Variants in LRRC74A observed in about 807,000 individuals in gnomAD.
LRRC74A encodes leucine-rich repeat-containing protein 74A.
Under a neutral mutation model 57.9 loss-of-function variants are expected in LRRC74A, and 44 were observed. That is an observed-to-expected ratio of 0.76 (90% confidence interval 0.60 to 0.98). The LOEUF (loss-of-function observed/expected upper bound fraction) is 0.98. LRRC74A is among the 50% of genes least tolerant of loss of function. The pLI is 0.00. For missense variants in LRRC74A, 572 were observed against 574.0 expected (o/e 1.00, Z 0.04); for synonymous variants, 211 against 219.4 (o/e 0.96, Z 0.34).
At chr14:76,833,602 T>C (rs368598579) in intron 3 of LRRC74A, among the ~76,000 whole-genome samples, 8 of 151,820 alleles carry the variant, frequency 5.3e-5, no homozygotes, top group African/African-American at 1.9e-4. Context: ...CCACCATGCC[T>C]GGCTAATTTT....
chr14:76,865,129 C>T (rs2362865), intron 11 of LRRC74A, among the ~76,000 whole-genome samples: 96,290 of 152,074 alleles, frequency 0.63, 30,840 homozygotes, highest in African/African-American at 0.71. Flanking sequence ...TGCCTTGCAA[C>T]GTGAGTAATA....
chr14:76,842,532 A>G (rs1053732752), intron 5 of LRRC74A, among the ~76,000 whole-genome samples: 2 of 152,216 alleles, frequency 1.3e-5, no homozygotes, highest in Non-Finnish European at 1.5e-5. Flanking sequence ...TAGTATCTGT[A>G]ACCACTGATT....
chr14:76,836,222 A>G lies in LRRC74A; in HGVS notation c.355A>G (p.Thr119Ala). ...CTGGCTGAAGTCCAACATGGCTGTT[A>G]CCAAACTGGAGCTGGAAGACAATTG... ...AIALVSNMAV[T>A]KLELEDNCIM... is the part of the protein sequence containing the mutation. Residue 119 changes from threonine to alanine, a missense_variant, in exon 4 of 14, where the codon ACC becomes GCC. Transcript: ENST00000689127. 1 of 1,613,676 alleles carries G rather than the reference A, an allele frequency of 6.2e-7. No individual in the cohort carries two copies. Among genetic ancestry groups the G allele is most frequent in the South Asian group, 1.1e-5 (1 of 90,996 alleles).
chr14:76,864,508 C>T (rs538896273), intron 11 of LRRC74A, among the ~76,000 whole-genome samples: 4 of 151,110 alleles, frequency 2.6e-5, no homozygotes, highest in South Asian at 2.1e-4. Context: ...ATCGTAAGGC[C>T]GGGTGCGGGG....
At chr14:76,828,536 G>A (rs1895744328) in intron 2 of LRRC74A, 117 bp downstream of exon 2, 1 of 1,501,766 alleles carries the variant, frequency 6.7e-7, no homozygotes, top group Admixed American at 1.7e-5. Flanking sequence ...GATGGCCTGT[G>A]GAGGAAATGT....
intron 7 of LRRC74A, among the ~76,000 whole-genome samples, chr14:76,848,398 C>T: frequency 7.3e-6 from 1 of 137,372 alleles, no homozygotes; most frequent in South Asian, 2.3e-4. Flanking sequence ...GACTCCATCT[C>T]AAAAAAAAAA....
chr14:76,856,916 T>C (rs184677584), intron 9 of LRRC74A, among the ~76,000 whole-genome samples: 1 of 149,040 alleles, frequency 6.7e-6, no homozygotes, highest in Admixed American at 6.7e-5. Flanking sequence ...GATGGGTGGG[T>C]GAGTGGATGG....
At position 76,859,662 on chromosome 14, in the gene LRRC74A, CTT is replaced by C. The variant is rs1025552496; in HGVS notation, c.1054-1009_1054-1008del. On this transcript the variant is annotated intron_variant, in intron 10 of 13. Coordinates refer to ENST00000689127, the MANE Select transcript of LRRC74A (RefSeq NM_001385106.1). ...CCAGAACAAATAGGTCTGAATTAGC[CTT>C]TTTTTTTTTTTTTTTTTTTTTGGGT... Among the ~76,000 whole-genome samples, 117 of 80,910 alleles carry C rather than the reference CTT, an allele frequency of 1.4e-3. No homozygotes were observed. In the East Asian group the frequency reaches 0.023, roughly 16 times the overall value. The allele number at this position is 80,910 out of a possible 152,430, so 53.1% of individuals were successfully genotyped here.
chr14:76,827,794 T>C (rs1218332526), intron 1 of LRRC74A, among the ~76,000 whole-genome samples: 1 of 152,236 alleles, frequency 6.6e-6, no homozygotes, highest in Non-Finnish European at 1.5e-5. Flanking sequence ...TTCTCTCTCT[T>C]GCTCTCTGGA....
intron 4 of LRRC74A, among the ~76,000 whole-genome samples, chr14:76,836,810 A>AG (rs1896381393): frequency 7.5e-6 from 1 of 133,356 alleles, no homozygotes; most frequent in African/African-American, 2.7e-5. Context: ...AAAAAAAAAA[A>AG]GAAACCACTT....
At chr14:76,829,074 C>G in intron 2 of LRRC74A, 1 of 1,289,346 alleles carries the variant, frequency 7.8e-7, no homozygotes, top group Non-Finnish European at 1.0e-6. Flanking sequence ...ACACCTCCAC[C>G]CTCTCTCTCC....
chr14:76,842,769 G>A (rs1044347376), intron 5 of LRRC74A, among the ~76,000 whole-genome samples: 2 of 152,124 alleles, frequency 1.3e-5, no homozygotes, highest in African/African-American at 4.8e-5. Flanking sequence ...GAGGAAATTT[G>A]GGAATAAGGC....
chr14:76,827,658 A>C (rs1270473820), intron 1 of LRRC74A, among the ~76,000 whole-genome samples: 1 of 152,194 alleles, frequency 6.6e-6, no homozygotes, highest in South Asian at 2.1e-4. Context: ...TTAATTCATT[A>C]CTATGAATTA....
chr14:76,862,012 G>C (rs1353785199), intron 11 of LRRC74A, among the ~76,000 whole-genome samples: 1 of 152,254 alleles, frequency 6.6e-6, no homozygotes, highest in African/African-American at 2.4e-5. Flanking sequence ...GATGACTTCA[G>C]ATGGAACCAA....
chr14:76,833,485 A>T lies in LRRC74A; in HGVS notation c.339+2110A>T, dbSNP rs1435321854. On this transcript the variant is annotated intron_variant, in intron 3 of 13. Coordinates refer to ENST00000689127, the MANE Select transcript of LRRC74A (RefSeq NM_001385106.1). ...GAGACAGAGTCTCACTCTGTCTCCC[A>T]GGCTGGAGTGCAGGGTCATGATCTG... is the stretch of plus-strand genomic sequence containing the variant. Among the ~76,000 whole-genome samples, 3 of 120,454 alleles carry T rather than the reference A, an allele frequency of 2.5e-5. No homozygotes were observed. The Admixed American group carries it at 3.5e-4, about 14-fold the overall frequency. 79.0% of individuals were successfully genotyped at this position (120,454 alleles called of 152,430 possible).
chr14:76,850,700 C>A (rs540929531), intron 7 of LRRC74A, among the ~76,000 whole-genome samples: 1 of 151,972 alleles, frequency 6.6e-6, no homozygotes, highest in Non-Finnish European at 1.5e-5. Context: ...AACCCTGTCT[C>A]TACTAAAAAT....
chr14:76,865,241 G>T (rs1898685619), intron 11 of LRRC74A, among the ~76,000 whole-genome samples: 1 of 152,058 alleles, frequency 6.6e-6, no homozygotes. Flanking sequence ...CTTCGTACCT[G>T]TGGGTTCTGC....
At chr14:76,836,116 C>T (rs1173855421) in intron 3 of LRRC74A, 91 bp from the exon 4 acceptor site, 2 of 894,066 alleles carry the variant, frequency 2.2e-6, no homozygotes, top group Non-Finnish European at 3.6e-6. Context: ...ATCTCCACGC[C>T]CATTCACATG....
chr14:76,844,665 GC>G (rs1897003020), intron 6 of LRRC74A, among the ~76,000 whole-genome samples, 154 bp from the exon 7 acceptor site: 2 of 152,140 alleles, frequency 1.3e-5, no homozygotes, highest in African/African-American at 4.8e-5. Flanking sequence ...AGTTCTCCCA[GC>G]AGCCATCAAC....
Sources: allele counts gnomAD v4.1 joint callset (sites outside exome capture counted in the v4.1 genomes callset), GRCh38; gene constraint gnomAD v4.1.1; transcripts MANE v1.5; gene names NCBI Gene and HGNC (gene_info 2026-07-23, HGNC 2026-07-21).